Variants in SNX25 observed in about 807,000 individuals in gnomAD.
SNX25 encodes the protein sorting nexin-25.
SNX25 carries 62 observed loss-of-function variants against 113.7 expected under a neutral mutation model. That is an observed-to-expected ratio of 0.55 (90% CI 0.44 to 0.67). The LOEUF is 0.67. SNX25 is among the 30% of genes least tolerant of loss of function. The pLI is 0.00. For missense variants in SNX25, 1,014 were observed against 1,161.0 expected, an observed-to-expected ratio of 0.87 and a Z score of 1.84; for synonymous variants, 421 against 436.2, an observed-to-expected ratio of 0.97 and a Z score of 0.43.
Position 185,342,054 on chromosome 4 carries a change from A to G in SNX25, c.2125A>G (p.Lys709Glu). The G allele has an allele frequency of 6.2e-7, 1 of 1,611,194 alleles. No individual in the cohort carries two copies. Among genetic ancestry groups the G allele is most frequent in the South Asian group, 1.1e-5 (1 of 90,388 alleles). Residue 709 changes from lysine to glutamate, a missense_variant, in exon 12 of 19, where the codon AAG (lysine) becomes GAG (glutamate). By Grantham distance (56) the Lys-to-Glu change is moderately conservative (BLOSUM62 1). Coordinates refer to ENST00000652585, the MANE Select transcript of SNX25 (RefSeq NM_001378034.2). ...SLQEVGGVET[K>E]NWTVPRRLSE... is the part of the protein sequence containing the mutation. ...ACAAGAAGTTGGAGGAGTTGAAACT[A>G]AGAACTGGACGGTCCCCAGAAGGCT...
At chr4:185,243,358 C>G (rs1364256990) in intron 1 of SNX25, among the ~76,000 whole-genome samples, 1 of 152,122 alleles carries the variant, frequency 6.6e-6, no homozygotes, top group Non-Finnish European at 1.5e-5. Context: ...GCTTGTAATC[C>G]CAGCACTTTG....
At chr4:185,358,561 G>A (rs765944098) in intron 16 of SNX25, among the ~76,000 whole-genome samples, 4 of 152,154 alleles carry the variant, frequency 2.6e-5, no homozygotes, top group African/African-American at 7.2e-5. Context: ...GTGTCCTAGC[G>A]ATTAGTCTCA....
At chr4:185,333,209 A>G (rs964357956) in intron 10 of SNX25, among the ~76,000 whole-genome samples, 1 of 152,256 alleles carries the variant, frequency 6.6e-6, no homozygotes, top group African/African-American at 2.4e-5. Flanking sequence ...TGTAAACAGC[A>G]TTTCACTAAT....
intron 10 of SNX25, among the ~76,000 whole-genome samples, chr4:185,333,861 T>C (rs537856256): frequency 1.3e-5 from 2 of 151,390 alleles, no homozygotes; most frequent in South Asian, 2.1e-4. Flanking sequence ...CTGGGCAACA[T>C]AGGGAGACCC....
intron 13 of SNX25, among the ~76,000 whole-genome samples, chr4:185,349,730 G>A (rs1158439105): frequency 6.6e-6 from 1 of 151,586 alleles, no homozygotes. Flanking sequence ...TGGGATTATT[G>A]TGTGTGTGTG....
Position 185,204,370 on chromosome 4 carries a change from T to C in SNX25, c.-161T>C, listed in dbSNP as rs1737093911. On this transcript the variant is annotated 5_prime_UTR_variant, in exon 1 of 19. Coordinates refer to the SNX25 transcript ENST00000504273. ...AAGAACGGCGGCTGTGTGTTTGTGA[T>C]ATTTTCTATCAGCAAATTTCAGTTC... The C allele has an allele frequency of 2.6e-5, 4 of 152,370 alleles. No homozygotes were observed. In the South Asian group the frequency reaches 6.2e-4, roughly 24 times the overall value. The allele number at this position is 152,370 out of a possible 1,614,324, so 9.4% of individuals were successfully genotyped here.
intron 10 of SNX25, among the ~76,000 whole-genome samples, chr4:185,335,427 C>T (rs2095223819): frequency 6.6e-6 from 1 of 152,074 alleles, no homozygotes; most frequent in Non-Finnish European, 1.5e-5. Context: ...ACATATCCCA[C>T]CCCCAAAATC....
intron 10 of SNX25, among the ~76,000 whole-genome samples, chr4:185,333,585 A>G (rs2095210393): frequency 6.6e-6 from 1 of 152,202 alleles, no homozygotes; most frequent in Admixed American, 6.5e-5. Context: ...TAAAATATCT[A>G]TTCATCTATA....
intron 6 of SNX25, among the ~76,000 whole-genome samples, chr4:185,292,232 C>T (rs1308280458): frequency 3.9e-5 from 6 of 152,034 alleles, no homozygotes; most frequent in Non-Finnish European, 5.9e-5. Context: ...GGAATCAGTG[C>T]TCTCGGGTCT....
downstream of SNX25, chr4:185,363,992 T>A (rs1488806127): frequency 6.5e-6 from 1 of 152,932 alleles, no homozygotes; most frequent in African/African-American, 2.4e-5. This position sits in a 1 kb window ranked among gnomAD's most constrained non-coding sequence, Gnocchi z 4.2. Context: ...ATATTTAAGA[T>A]ACTTATATCT....
chr4:185,349,487 A>G (rs11727513), intron 13 of SNX25, among the ~76,000 whole-genome samples: 56,483 of 151,992 alleles, frequency 0.37, 13,188 homozygotes, highest in African/African-American at 0.67. Flanking sequence ...AGGAGCCTCC[A>G]TACCCTTTTT....
chr4:185,302,099 TG>T (rs147700697), intron 6 of SNX25, among the ~76,000 whole-genome samples: 3 of 116,760 alleles, frequency 2.6e-5, no homozygotes, highest in African/African-American at 8.3e-5. Flanking sequence ...GTGTTTTTTT[TG>T]TTTTTTTTTT....
At chr4:185,296,242 A>T (rs1752819763) in intron 6 of SNX25, among the ~76,000 whole-genome samples, 1 of 152,154 alleles carries the variant, frequency 6.6e-6, no homozygotes, top group African/African-American at 2.4e-5. Flanking sequence ...TTTCAACATG[A>T]ATTTTGGAGG....
chr4:185,211,567 T>C (rs1374543408), intron 1 of SNX25, among the ~76,000 whole-genome samples: 1 of 152,226 alleles, frequency 6.6e-6, no homozygotes, highest in African/African-American at 2.4e-5. Context: ...TAAGATGTTA[T>C]AATTCATTCG....
the SNX25 span, chr4:185,377,665 G>C: frequency 3.2e-4 from 55 of 169,852 alleles, no homozygotes; most frequent in South Asian, 8.3e-3. Flanking sequence ...CTGGAGAGGT[G>C]AGTTAAATTC....
chr4:185,333,601 G>T (rs1222948151), intron 10 of SNX25, among the ~76,000 whole-genome samples: 1 of 152,130 alleles, frequency 6.6e-6, no homozygotes, highest in African/African-American at 2.4e-5. Flanking sequence ...CTATAATCCA[G>T]TTACTGTCTA....
At chr4:185,302,726 T>G (rs1300405538) in intron 6 of SNX25, among the ~76,000 whole-genome samples, 1 of 152,216 alleles carries the variant, frequency 6.6e-6, no homozygotes, top group Non-Finnish European at 1.5e-5. Context: ...AAATGTCTGT[T>G]GTTCGAAAGC....
rs1485047069 is a variant in SNX25 at position 185,362,125 on chromosome 4, C to T, written c.2833+20C>T. 1.3e-6 allele frequency: 2 copies of T among 1,591,910 alleles called. No individual in the cohort carries two copies. Among genetic ancestry groups the T allele is most frequent in the South Asian group, 1.1e-5 (1 of 88,682 alleles). ...TTCCAGGTGAGGCCTGGGCTATTAG[C>T]CTGAAAAGCATAGAGATCTGAGGGA... On this transcript the variant is annotated intron_variant, in intron 17 of 18. Transcript: ENST00000652585.
At chr4:185,205,591 G>A (rs950506177), upstream of SNX25, among the ~76,000 whole-genome samples, 7 of 152,220 alleles carry the variant, frequency 4.6e-5, no homozygotes, top group African/African-American at 1.7e-4. Context: ...CACTTTGAGA[G>A]GCTGAGGTGG....
Sources: gnomAD v4.1 joint callset for allele counts (sites outside exome capture counted in the v4.1 genomes callset) on GRCh38, gnomAD v4.1.1 for gene constraint, Gnocchi (gnomAD v3.1) non-coding constraint, MANE v1.5 for transcripts, NCBI Gene and HGNC (gene_info 2026-07-23, HGNC 2026-07-21) for gene names.